TTLL9: variants seen among roughly 807,000 people sequenced by gnomAD.
TTLL9 encodes tubulin tyrosine ligase like 9.
In TTLL9, 47 loss-of-function variants were observed where a neutral mutation model predicts 65.6. That is an observed-to-expected ratio of 0.72 (90% CI 0.57 to 0.91). TTLL9 has a LOEUF of 0.91. Ranked by LOEUF, TTLL9 falls within the 40% of genes least tolerant of loss-of-function variation. The probability of loss-of-function intolerance (pLI) is 0.00; values close to 1 mark genes in which losing one functional copy is unlikely to be tolerated. For missense variants in TTLL9, 537 were observed against 568.8 expected (o/e 0.94, Z 0.57); for synonymous variants, 179 against 204.8 (o/e 0.87, Z 1.07).
At chr20:31,933,881 T>C (rs2064060895) in intron 11 of TTLL9, 23 bp downstream of exon 11, 1 of 1,611,210 alleles carries the variant, frequency 6.2e-7, no homozygotes, top group African/African-American at 1.3e-5. Context: ...GGCTCGGCTA[T>C]GCACGGGTAC....
At position 31,936,245 on chromosome 20, in the gene TTLL9, G is replaced by A. The variant is rs930875537; in HGVS notation, c.1005-1151G>A. On this transcript the variant is annotated intron_variant, in intron 12 of 14. Transcript: ENST00000535842. The stretch of plus-strand genomic sequence containing the variant: ...ATACTTCGAATTTGGCCTTTAGACT[G>A]TTTTTGTTTTTAATTTCAATTTATT... Among the ~76,000 whole-genome samples, 5 of 152,118 alleles carry A rather than the reference G, an allele frequency of 3.3e-5. No homozygotes were observed. The East Asian group carries it at 9.6e-4, about 29-fold the overall frequency.
rs1231894083 is a variant in TTLL9 at position 31,898,468 on chromosome 20, T to G, written c.114-5T>G. 1.2e-6 allele frequency: 2 copies of G among 1,613,870 alleles called. No homozygotes were observed. Among genetic ancestry groups the G allele is most frequent in the African/African-American group, 2.7e-5 (2 of 74,940 alleles). On this transcript the variant is annotated splice_polypyrimidine_tract_variant and splice_region_variant and intron_variant, in intron 3 of 14. Coordinates refer to ENST00000535842, the MANE Select transcript of TTLL9 (RefSeq NM_001008409.5). Reference sequence around the variant, plus strand: ...TGAGCAAATGTTCATTGCCTTGTCTTGCAGAGAGCAGAGAGCATCGATCCG... The same window carrying G: ...TGAGCAAATGTTCATTGCCTTGTCTGGCAGAGAGCAGAGAGCATCGATCCG...
At chr20:31,924,867 G>A (rs957076359) in intron 8 of TTLL9, 142 bp from the exon 9 acceptor site, 25 of 902,434 alleles carry the variant, frequency 2.8e-5, no homozygotes, top group South Asian at 7.1e-5. Context: ...ATGAGGCACC[G>A]CGCCTAGCCC....
Position 31,933,790 on chromosome 20 carries a change from C to G in TTLL9, c.749-10C>G. ...GTTCACGCTGACCCTTGACCACCAC[C>G]CTCTCCCAGATGTTCACCTCACCAA... On this transcript the variant is annotated splice_polypyrimidine_tract_variant and intron_variant, in intron 10 of 14. Transcript: ENST00000535842. The G allele has an allele frequency of 5.0e-6, 8 of 1,613,658 alleles. No homozygotes were observed. The highest frequency in any genetic ancestry group is 5.9e-6 in the Non-Finnish European group (7 of 1,179,660).
At chr20:31,932,768 G>A (rs574624765) in intron 10 of TTLL9, among the ~76,000 whole-genome samples, 8 of 151,970 alleles carry the variant, frequency 5.3e-5, no homozygotes, top group South Asian at 2.1e-4. Context: ...AGGCCGAGGC[G>A]GGTGGATTAC....
intron 3 of TTLL9, among the ~76,000 whole-genome samples, chr20:31,889,328 A>G (rs1277829790): frequency 6.6e-6 from 1 of 151,696 alleles, no homozygotes; most frequent in African/African-American, 2.4e-5. Context: ...TGGTGCGATC[A>G]TGGCTCACTG....
chr20:31,940,300 G>A (rs1221460783), intron 14 of TTLL9: 4 of 152,136 alleles, frequency 2.6e-5, no homozygotes, highest in African/African-American at 7.2e-5. Flanking sequence ...TGAGGTTTCC[G>A]TTTTTTAAAT....
rs560925639 is a variant in TTLL9 at position 31,944,999 on chromosome 20, C to T, written c.*1978C>T. 13 of 152,334 alleles carry T rather than the reference C, an allele frequency of 8.5e-5. No individual in the cohort carries two copies. In the East Asian group the frequency reaches 2.3e-3, roughly 27 times the overall value. The allele number at this position is 152,334 out of a possible 1,614,324, so 9.4% of individuals were successfully genotyped here. A position where few individuals can be genotyped will look rare whatever the true frequency, so the allele number is the denominator to read the frequency against. ...TAACATTTATTGAGCCCTTAATGAA[C>T]ACATAAGAGTTTTGACTTCACGGCA... is the stretch of plus-strand genomic sequence containing the variant. On this transcript the variant is annotated 3_prime_UTR_variant, in exon 15 of 15. Coordinates refer to ENST00000535842, the MANE Select transcript of TTLL9 (RefSeq NM_001008409.5).
chr20:31,925,434 G>C (rs950088342), intron 9 of TTLL9, among the ~76,000 whole-genome samples: 2 of 152,162 alleles, frequency 1.3e-5, no homozygotes, highest in African/African-American at 4.8e-5. Context: ...CAGATACAGA[G>C]GTTGTGTACC....
At chr20:31,933,745 G>A in intron 10 of TTLL9, 55 bp from the exon 11 acceptor site, 1 of 1,569,794 alleles carries the variant, frequency 6.4e-7, no homozygotes. Context: ...GGACTTCGTG[G>A]GGCAGAGCTC....
intron 4 of TTLL9, among the ~76,000 whole-genome samples, chr20:31,902,330 G>T (rs891352492): frequency 6.6e-6 from 1 of 151,960 alleles, no homozygotes; most frequent in Non-Finnish European, 1.5e-5. Context: ...TTCACTTAAC[G>T]TAATGTTTTC....
chr20:31,894,469 A>G (rs552010465), intron 3 of TTLL9, among the ~76,000 whole-genome samples: 1 of 151,434 alleles, frequency 6.6e-6, no homozygotes, highest in East Asian at 1.9e-4. Context: ...TAACATATTT[A>G]TAATAATTTT....
At chr20:31,925,722 TG>T in intron 9 of TTLL9, 2 of 660,568 alleles carry the variant, frequency 3.0e-6, no homozygotes, top group Non-Finnish European at 5.3e-6. Flanking sequence ...CAAAGAAGCC[TG>T]GTGTAAAAGC....
At chr20:31,880,852 CTTTT>C (rs35047352) in intron 2 of TTLL9, among the ~76,000 whole-genome samples, 5 of 108,258 alleles carry the variant, frequency 4.6e-5, no homozygotes, top group Non-Finnish European at 8.8e-5. Context: ...TCTTTCTTTC[CTTTT>C]TTTTTTTTTT....
intron 2 of TTLL9, among the ~76,000 whole-genome samples, chr20:31,885,939 ACACTGCAGGGAGCT>A (rs1388376119): frequency 6.6e-6 from 1 of 152,268 alleles, no homozygotes; most frequent in Non-Finnish European, 1.5e-5. Context: ...TGTGGGGGCC[ACACTGCAGGGAGCT>A]GCAGGCAGCC....
chr20:31,930,345 G>A (rs1382935808), intron 10 of TTLL9, among the ~76,000 whole-genome samples: 7 of 152,116 alleles, frequency 4.6e-5, no homozygotes, highest in African/African-American at 7.2e-5. Context: ...AAATGCAACT[G>A]ACTTGATGAG....
In TTLL9 at chr20:31,934,776, A is replaced by G. The variant is rs377406162; in HGVS notation, c.892A>G (p.Ile298Val). 1.2e-6 allele frequency: 2 copies of G among 1,613,696 alleles called. No homozygotes were observed. Among genetic ancestry groups the G allele is most frequent in the Non-Finnish European group, 1.7e-6 (2 of 1,180,016 alleles). Reference sequence around the variant, plus strand: ...GGCAGTGGAGACACTCTTCAGGGACATCGACAACATCTTTGTCAAAAGCCT... The same window carrying G: ...GGCAGTGGAGACACTCTTCAGGGACGTCGACAACATCTTTGTCAAAAGCCT... ...PEAVETLFRD[I>V]DNIFVKSLQS... The change falls in exon 12 of 15, where the codon ATC becomes GTC. Residue 298 changes from isoleucine (I) to valine (V), a missense_variant. Coordinates refer to ENST00000535842, the MANE Select transcript of TTLL9 (RefSeq NM_001008409.5).
chr20:31,890,004 TTCTTTCTTTC>T (rs2063268443), intron 3 of TTLL9, among the ~76,000 whole-genome samples: 1 of 138,932 alleles, frequency 7.2e-6, no homozygotes. Context: ...CTTTCTTTCT[TTCTTTCTTTC>T]TTTCTTTCTT....
At position 31,934,807 on chromosome 20, in the gene TTLL9, G is replaced by T; in HGVS notation, c.923G>T (p.Ser308Ile). The change falls in exon 12 of 15, where the codon AGT (serine) becomes ATT (isoleucine). Residue 308 changes from serine to isoleucine, a missense_variant. Ser to Ile is a moderately radical substitution (Grantham distance 142). Transcript: ENST00000535842. ...AACATCTTTGTCAAAAGCCTGCAGA[G>T]TGTGCAGAAGGTGATCATCAGTGAC... The part of the protein sequence containing the change: ...IDNIFVKSLQ[S>I]VQKVIISDKH... 1 of 1,614,034 alleles carries T rather than the reference G, an allele frequency of 6.2e-7. No homozygotes were observed. The highest frequency in any genetic ancestry group is 8.5e-7 in the Non-Finnish European group (1 of 1,180,034).
Sources: allele counts gnomAD v4.1 joint callset (sites outside exome capture counted in the v4.1 genomes callset), GRCh38; gene constraint gnomAD v4.1.1; transcripts MANE v1.5; gene names NCBI Gene and HGNC (gene_info 2026-07-23, HGNC 2026-07-21).